The following DLGAP2 variants were observed in gnomAD, a reference collection of about 807,000 sequenced individuals.
DLGAP2 encodes the protein disks large-associated protein 2.
Under a neutral mutation model 100.3 loss-of-function variants are expected in DLGAP2, and 26 were observed. That is an observed-to-expected ratio of 0.26 (90% CI 0.19 to 0.36). DLGAP2 has a LOEUF of 0.36. Ranked by LOEUF, DLGAP2 falls within the 10% of genes least tolerant of loss-of-function variation. The pLI is 1.00. For synonymous variants in DLGAP2, 886 were observed against 630.1 expected (o/e 1.41, Z -6.08); for missense variants, 1,858 against 1,453.2 (o/e 1.28, Z -4.53).
intron 2 of DLGAP2, among the ~76,000 whole-genome samples, chr8:1,020,266 G>A (rs1234140256): frequency 6.6e-6 from 1 of 152,188 alleles, no homozygotes; most frequent in Non-Finnish European, 1.5e-5. Context: ...AAACCCTGAA[G>A]CGTATTAGAA....
intron 2 of DLGAP2, among the ~76,000 whole-genome samples, chr8:1,174,139 C>T (rs965665798): frequency 2.6e-5 from 4 of 152,198 alleles, no homozygotes; most frequent in Non-Finnish European, 2.9e-5. Flanking sequence ...CTAAGTCGGG[C>T]TGGAACTGGG....
intron 3 of DLGAP2, among the ~76,000 whole-genome samples, chr8:1,344,465 C>T (rs1022987026): frequency 1.4e-4 from 21 of 152,328 alleles, no homozygotes; most frequent in Admixed American, 1.2e-3. Flanking sequence ...CTCAGACTCA[C>T]CTGTTTGACA....
In DLGAP2 at chr8:753,441, A is replaced by G. The variant is rs530497789; in HGVS notation, c.18+15616A>G. On this transcript the variant is annotated intron_variant, in intron 1 of 14. Transcript: ENST00000637795. ...CCTTGAAATCATAACTACGCCAGCG[A>G]ACATTTACTTCCAGGAAAGAAGAAT... The G allele has an allele frequency of 2.0e-5, 3 of 152,364 alleles. No homozygotes were observed. The South Asian group carries it at 6.2e-4, about 32-fold the overall frequency. The allele number at this position is 152,364 out of a possible 1,614,324, so 9.4% of individuals were successfully genotyped here.
chr8:1,327,305 A>G (rs1801044239), intron 3 of DLGAP2, among the ~76,000 whole-genome samples: 2 of 152,230 alleles, frequency 1.3e-5, no homozygotes, highest in Non-Finnish European at 2.9e-5. Context: ...ACAGCCTCAG[A>G]GCTCCACACC....
At chr8:1,647,637 A>G (rs1356695079) in intron 8 of DLGAP2, among the ~76,000 whole-genome samples, 1 of 152,066 alleles carries the variant, frequency 6.6e-6, no homozygotes, top group African/African-American at 2.4e-5. Flanking sequence ...CAATATCAAG[A>G]TAGCTTATCA....
At chr8:1,201,870 GGTGT>G (rs1294772938) in intron 2 of DLGAP2, among the ~76,000 whole-genome samples, 2 of 152,168 alleles carry the variant, frequency 1.3e-5, no homozygotes, top group Non-Finnish European at 2.9e-5. Context: ...ATCTATCTGT[GGTGT>G]GTGTGTAAGC....
At chr8:1,219,258 T>G (rs1798271371) in intron 2 of DLGAP2, among the ~76,000 whole-genome samples, 1 of 152,228 alleles carries the variant, frequency 6.6e-6, no homozygotes, top group African/African-American at 2.4e-5. Flanking sequence ...GCTGTGGTTT[T>G]GTCATAGATG....
chr8:1,499,582 C>T (rs1799647845), intron 3 of DLGAP2, among the ~76,000 whole-genome samples: 1 of 152,184 alleles, frequency 6.6e-6, no homozygotes, highest in Non-Finnish European at 1.5e-5. Flanking sequence ...AGATGTATTT[C>T]ATTAGCTGAA....
chr8:843,150 C>A (rs1797013130), intron 1 of DLGAP2, among the ~76,000 whole-genome samples: 1 of 152,130 alleles, frequency 6.6e-6, no homozygotes, highest in African/African-American at 2.4e-5. Context: ...TTTATGTGAT[C>A]TTAATGTAGG....
intron 6 of DLGAP2, chr8:1,620,331 C>G (rs1400941631): frequency 6.6e-6 from 1 of 152,244 alleles, no homozygotes; most frequent in Non-Finnish European, 1.5e-5. Flanking sequence ...GCCCCACGCC[C>G]CTCTCACTTT....
chr8:1,673,969 C>G (rs561245843), intron 10 of DLGAP2, among the ~76,000 whole-genome samples: 3 of 152,246 alleles, frequency 2.0e-5, no homozygotes, highest in Admixed American at 6.5e-5. Context: ...TGTGCATGCC[C>G]CTGGTCATTG....
chr8:1,277,771 G>T (rs1003962239), intron 3 of DLGAP2, among the ~76,000 whole-genome samples: 1 of 152,154 alleles, frequency 6.6e-6, no homozygotes, highest in Non-Finnish European at 1.5e-5. Flanking sequence ...TGGCAGGGCC[G>T]GCTTGCTCTG....
At chr8:1,041,580 G>A (rs569670466) in intron 2 of DLGAP2, among the ~76,000 whole-genome samples, 6 of 149,234 alleles carry the variant, frequency 4.0e-5, no homozygotes, top group South Asian at 4.4e-4. Flanking sequence ...AGTGTTCTCC[G>A]AACCCCTTGC....
At chr8:1,335,747 G>A (rs972469482) in intron 3 of DLGAP2, among the ~76,000 whole-genome samples, 10 of 152,352 alleles carry the variant, frequency 6.6e-5, no homozygotes, top group African/African-American at 2.4e-4. Flanking sequence ...TGATTTATGT[G>A]TTTTGTTGCT....
At chr8:1,047,615 G>A (rs370488201) in intron 2 of DLGAP2, among the ~76,000 whole-genome samples, 2 of 152,102 alleles carry the variant, frequency 1.3e-5, no homozygotes, top group African/African-American at 4.8e-5. Context: ...TCAAGACACT[G>A]GCAGGGTCAG....
In DLGAP2 at chr8:1,316,105, C is replaced by T. The variant is rs1261220952; in HGVS notation, c.106+57222C>T. Among the ~76,000 whole-genome samples the T allele has an allele frequency of 3.8e-5, 5 of 131,966 alleles. No individual in the cohort carries two copies. The East Asian group carries it at 8.9e-4, about 24-fold the overall frequency. 86.6% of individuals were successfully genotyped at this position (131,966 alleles called of 152,430 possible). Reference sequence around the variant, plus strand: ...CCCACAGTGGTCTACACTCGAGACACTCGGCAGCTTTTAAAAATAGAGCGT... The same window carrying T: ...CCCACAGTGGTCTACACTCGAGACATTCGGCAGCTTTTAAAAATAGAGCGT... On this transcript the variant is annotated intron_variant, in intron 3 of 14. Transcript: ENST00000637795.
chr8:1,534,470 G>T (rs563529893), intron 4 of DLGAP2, among the ~76,000 whole-genome samples: 50 of 152,304 alleles, frequency 3.3e-4, no homozygotes, highest in African/African-American at 1.1e-3. Flanking sequence ...AGTTGCAAAT[G>T]TGCTCACCAT....
chr8:1,134,789 G>T (rs918353753), intron 2 of DLGAP2, among the ~76,000 whole-genome samples: 1 of 152,144 alleles, frequency 6.6e-6, no homozygotes, highest in Non-Finnish European at 1.5e-5. Context: ...GGGAGAGCAT[G>T]TGAGAGCACA....
intron 2 of DLGAP2, among the ~76,000 whole-genome samples, chr8:1,043,427 G>A (rs182286516): frequency 6.6e-6 from 1 of 151,868 alleles, no homozygotes; most frequent in East Asian, 1.9e-4. Flanking sequence ...TGTGGGTGGT[G>A]GATGTGGCTC....
Sources: gnomAD v4.1 joint callset for allele counts (sites outside exome capture counted in the v4.1 genomes callset) on GRCh38, gnomAD v4.1.1 for gene constraint, MANE v1.5 for transcripts, NCBI Gene and HGNC (gene_info 2026-07-23, HGNC 2026-07-21) for gene names.